The following ADAMTS2 variants were observed in gnomAD, a reference collection of about 807,000 sequenced individuals.
ADAMTS2 encodes the protein A disintegrin and metalloproteinase with thrombospondin motifs 2.
Under a neutral mutation model 123.0 loss-of-function variants are expected in ADAMTS2, and 50 were observed. The ratio of observed to expected loss-of-function variants is 0.41; its 90% CI spans 0.32 to 0.51. ADAMTS2 has a LOEUF of 0.51. Among genes scored for constraint, ADAMTS2 ranks in the 20% least tolerant of loss-of-function variants. The probability of loss-of-function intolerance (pLI) is 0.35; values close to 1 mark genes in which losing one functional copy is unlikely to be tolerated. For missense variants in ADAMTS2, 1,494 were observed against 1,705.2 expected, an observed-to-expected ratio of 0.88 and a Z score of 2.18; for synonymous variants, 678 against 695.4, an observed-to-expected ratio of 0.98 and a Z score of 0.39.
chr5:179,261,917 G>A lies in ADAMTS2; in HGVS notation c.688+10994C>T, dbSNP rs186331407. ...AACCTCACACTGTCCCTGACAGCCC[G>A]CCCCACAGAGCACAGCCTCTGCCTC... On this transcript the variant is annotated intron_variant, in intron 3 of 21. Coordinates refer to ENST00000251582, the MANE Select transcript of ADAMTS2 (RefSeq NM_014244.5). Among the ~76,000 whole-genome samples, 776 of 152,308 alleles carry A rather than the reference G, an allele frequency of 5.1e-3. 10 individuals carry two copies. The highest frequency in any genetic ancestry group is 0.016 in the African/African-American group (674 of 41,564).
intron 3 of ADAMTS2, among the ~76,000 whole-genome samples, chr5:179,238,185 G>A (rs201165214): frequency 3.9e-5 from 6 of 152,320 alleles, no homozygotes; most frequent in Admixed American, 6.5e-5. Context: ...AAGCCACAGC[G>A]GAACTTGGAG....
intron 9 of ADAMTS2, among the ~76,000 whole-genome samples, chr5:179,153,203 G>C (rs1763396132): frequency 6.6e-6 from 1 of 152,098 alleles, no homozygotes; most frequent in Non-Finnish European, 1.5e-5. Context: ...TTCTTCCTTG[G>C]GAGCCCTCCT....
At chr5:179,302,457 T>G (rs1200360842) in intron 2 of ADAMTS2, among the ~76,000 whole-genome samples, 1 of 147,804 alleles carries the variant, frequency 6.8e-6, no homozygotes, top group Non-Finnish European at 1.5e-5. Context: ...CAAGATTCTC[T>G]GCGGAGGCAG....
rs1252549368 is a variant in ADAMTS2, at chr5:179,255,441, G to T, written c.688+17470C>A. 5.3e-5 allele frequency among the ~76,000 whole-genome samples: 8 copies of T among 152,290 alleles called. No individual in the cohort carries two copies. In the East Asian group the frequency reaches 1.4e-3, roughly 26 times the overall value. On this transcript the variant is annotated intron_variant, in intron 3 of 21. Coordinates refer to ENST00000251582, the MANE Select transcript of ADAMTS2 (RefSeq NM_014244.5). ...CATCTCTAGAGGGTGAGGATTGGGG[G>T]TCAGGAACTGTGGGGTGGGCTCAGG...
At chr5:179,319,460 A>G (rs1381753225) in intron 2 of ADAMTS2, among the ~76,000 whole-genome samples, 1 of 151,988 alleles carries the variant, frequency 6.6e-6, no homozygotes, top group East Asian at 1.9e-4. Flanking sequence ...ATGTGCACAC[A>G]TGCATGACAC....
chr5:179,331,654 C>T (rs1167515328), intron 2 of ADAMTS2, among the ~76,000 whole-genome samples: 1 of 151,626 alleles, frequency 6.6e-6, no homozygotes, highest in East Asian at 2.0e-4. Flanking sequence ...CCAGCACAAC[C>T]GTCCTATGAC....
chr5:179,259,714 C>T (rs992300549), intron 3 of ADAMTS2, among the ~76,000 whole-genome samples: 3 of 152,246 alleles, frequency 2.0e-5, no homozygotes, highest in African/African-American at 7.2e-5. Flanking sequence ...TGCAGTCTGG[C>T]ATCAGACATT....
At chr5:179,222,768 G>A (rs546370981) in intron 3 of ADAMTS2, among the ~76,000 whole-genome samples, 166 of 152,130 alleles carry the variant, frequency 1.1e-3, no homozygotes, top group African/African-American at 3.6e-3. Flanking sequence ...CAGAGGTGAC[G>A]TGGCTGCCAT....
intron 2 of ADAMTS2, among the ~76,000 whole-genome samples, chr5:179,275,730 G>A (rs958119640): frequency 1.3e-5 from 2 of 152,220 alleles, no homozygotes; most frequent in African/African-American, 2.4e-5. Flanking sequence ...CAGAGGGAGC[G>A]CAGCCCTGCC....
chr5:179,320,270 T>C (rs1239045877), intron 2 of ADAMTS2, among the ~76,000 whole-genome samples: 2 of 152,170 alleles, frequency 1.3e-5, no homozygotes, highest in Non-Finnish European at 2.9e-5. Flanking sequence ...GCCACTTCCT[T>C]GGGAACCCTA....
chr5:179,146,734 G>A (rs1374922944), intron 10 of ADAMTS2, among the ~76,000 whole-genome samples: 4 of 152,006 alleles, frequency 2.6e-5, no homozygotes, highest in Admixed American at 2.6e-4. Flanking sequence ...TGAGCTTTTT[G>A]AAGTCAGAGT....
At position 179,128,234 on chromosome 5, in the gene ADAMTS2, T is replaced by C. The variant is rs1238001232; in HGVS notation, c.2458-116A>G. The C allele has an allele frequency of 3.7e-6, 5 of 1,337,314 alleles. No individual in the cohort carries two copies. In the East Asian group the frequency reaches 1.2e-4, roughly 33 times the overall value. 82.8% of individuals were successfully genotyped at this position (1,337,314 alleles called of 1,614,324 possible). A position where few individuals can be genotyped will look rare whatever the true frequency, so the allele number is the denominator to read the frequency against. The stretch of plus-strand genomic sequence containing the variant: ...GAGGAGTCTCATCATTCATGGCAGT[T>C]ACATTCCATGAAGTCGCCCCGAGCA... On this transcript the variant is annotated intron_variant, in intron 16 of 21. Transcript: ENST00000251582. The surrounding 1 kb of genome is among the most constrained non-coding windows in gnomAD (Gnocchi z 4.9).
rs557578229 is a variant in ADAMTS2, at chr5:179,282,863, C to T, written c.535-9799G>A. Among the ~76,000 whole-genome samples the T allele has an allele frequency of 7.2e-5, 11 of 152,224 alleles. No individual in the cohort carries two copies. The East Asian group carries it at 2.1e-3, about 29-fold the overall frequency. ...GGCTGAGGCAGGCGGATCACGAGGTCAGGAGATTGAGACCATCCTGGCTAA... is the reference window on the plus strand; with the variant it reads ...GGCTGAGGCAGGCGGATCACGAGGTTAGGAGATTGAGACCATCCTGGCTAA... On this transcript the variant is annotated intron_variant, in intron 2 of 21. Transcript: ENST00000251582.
At chr5:179,182,223 A>G (rs1166969731) in intron 4 of ADAMTS2, among the ~76,000 whole-genome samples, 1 of 152,210 alleles carries the variant, frequency 6.6e-6, no homozygotes, top group Non-Finnish European at 1.5e-5. Flanking sequence ...GCCCAGAGCC[A>G]GGCTAAGCAG....
rs865999186 is a variant in ADAMTS2 at position 179,234,847 on chromosome 5, C to T, written c.689-27132G>A. ...CCTGTAGCTCGAGTCCTCACCTGAG[C>T]TTGCCCCCATTAAAATCCTCTGTAC... On this transcript the variant is annotated intron_variant, in intron 3 of 21. Transcript: ENST00000251582. The surrounding 1 kb of genome is among the most constrained non-coding windows in gnomAD (Gnocchi z 4.7). Among the ~76,000 whole-genome samples, 10 of 152,178 alleles carry T rather than the reference C, an allele frequency of 6.6e-5. No individual in the cohort carries two copies. Among genetic ancestry groups the T allele is most frequent in the Admixed American group, 6.5e-4 (10 of 15,278 alleles).
rs184103685 is a variant in ADAMTS2, at chr5:179,189,810, T to C, written c.892-8655A>G. On this transcript the variant is annotated intron_variant, in intron 4 of 21. Coordinates refer to ENST00000251582, the MANE Select transcript of ADAMTS2 (RefSeq NM_014244.5). This position sits in a 1 kb window ranked among gnomAD's most constrained non-coding sequence, Gnocchi z 4.2. ...TGGGGAAGAATATTACTAAGTATCT[T>C]CTTAAGTTGGGGGGAGAGAATATTA... Among the ~76,000 whole-genome samples, 66 of 145,522 alleles carry C rather than the reference T, an allele frequency of 4.5e-4. No individual in the cohort carries two copies. Among genetic ancestry groups the C allele is most frequent in the African/African-American group, 1.6e-3 (64 of 39,536 alleles).
Position 179,128,422 on chromosome 5 carries a change from C to T in ADAMTS2, c.2458-304G>A, listed in dbSNP as rs1186064125. ...TTTGTTTGTTTTTGAGATGGAGTTT[C>T]GCTCTTGTAGCCCAGGCTGGAGTGT... On this transcript the variant is annotated intron_variant, in intron 16 of 21. Coordinates refer to ENST00000251582, the MANE Select transcript of ADAMTS2 (RefSeq NM_014244.5). This position sits in a 1 kb window ranked among gnomAD's most constrained non-coding sequence, Gnocchi z 4.9. Among the ~76,000 whole-genome samples the T allele has an allele frequency of 6.6e-6, 1 of 152,028 alleles. No homozygotes were observed. The highest frequency in any genetic ancestry group is 1.5e-5 in the Non-Finnish European group (1 of 68,024).
chr5:179,245,493 G>A (rs912474456), intron 3 of ADAMTS2, among the ~76,000 whole-genome samples: 12 of 152,108 alleles, frequency 7.9e-5, no homozygotes, highest in African/African-American at 1.2e-4. Context: ...TGGGCCGGGC[G>A]CGGTGGCTCA....
intron 4 of ADAMTS2, among the ~76,000 whole-genome samples, chr5:179,200,729 G>A (rs985885915): frequency 6.6e-6 from 1 of 152,198 alleles, no homozygotes; most frequent in African/African-American, 2.4e-5. Context: ...CAAGGGAGAA[G>A]CTTTTCCCCT....
Sources: gnomAD v4.1 joint callset for allele counts (sites outside exome capture counted in the v4.1 genomes callset) on GRCh38, gnomAD v4.1.1 for gene constraint, Gnocchi (gnomAD v3.1) non-coding constraint, MANE v1.5 for transcripts, NCBI Gene and HGNC (gene_info 2026-07-23, HGNC 2026-07-21) for gene names.